The following EPM2A variants were observed in gnomAD, a reference collection of about 807,000 sequenced individuals.
EPM2A encodes EPM2A glucan phosphatase, laforin.
In EPM2A, 21 loss-of-function variants were observed where a neutral mutation model predicts 26.5. The observed-to-expected ratio is 0.79, with a 90% CI of 0.56 to 1.14. The LOEUF is 1.14. Among genes scored for constraint, EPM2A ranks in the 50% most tolerant of loss-of-function variants. The pLI, the probability that EPM2A is intolerant of heterozygous loss-of-function variation, is 0.00. For missense variants in EPM2A, 458 were observed against 440.8 expected (o/e 1.04, Z -0.35); for synonymous variants, 217 against 177.6 (o/e 1.22, Z -1.76).
rs574289583 is a variant in EPM2A, at chr6:145,718,777, A to G, written c.301+16421T>C. Among the ~76,000 whole-genome samples, 7 of 152,372 alleles carry G rather than the reference A, an allele frequency of 4.6e-5. No individual in the cohort carries two copies. The East Asian group carries it at 9.6e-4, about 21-fold the overall frequency. ...ATGAACTCAAACAAATTTACACACA[A>G]AAAACGAACAACCCCATCAAAACAA... On this transcript the variant is annotated intron_variant, in intron 1 of 3. Coordinates refer to ENST00000367519, the MANE Select transcript of EPM2A (RefSeq NM_005670.4).
chr6:145,429,807 A>G (rs932854322), intron 4 of EPM2A, among the ~76,000 whole-genome samples: 7 of 152,186 alleles, frequency 4.6e-5, no homozygotes, highest in Non-Finnish European at 5.9e-5. Flanking sequence ...TAGAAAGCAT[A>G]TAGGATTGTG....
At chr6:145,598,332 G>A (rs547582967) in intron 2 of EPM2A, among the ~76,000 whole-genome samples, 3 of 152,014 alleles carry the variant, frequency 2.0e-5, no homozygotes, top group Non-Finnish European at 4.4e-5. Context: ...CAGTGACGTT[G>A]AGCTTTATTT....
rs112977639 is a variant in EPM2A at position 145,586,344 on chromosome 6, CT to C, written c.340+48900del. Among the ~76,000 whole-genome samples, 1,206 of 152,000 alleles carry C rather than the reference CT, an allele frequency of 7.9e-3. 22 individuals carry two copies. Among genetic ancestry groups the C allele is most frequent in the African/African-American group, 0.027 (1,113 of 41,452 alleles). On this transcript the variant is annotated intron_variant, in intron 2 of 3. Coordinates refer to the EPM2A transcript ENST00000450221. ...TCTTCTGTAAAAAAGAATTTAACGT[CT>C]TTTTTTTATCATTATGACCTTAGAA...
chr6:145,566,134 T>C (rs748437393), intron 2 of EPM2A, among the ~76,000 whole-genome samples: 1 of 152,178 alleles, frequency 6.6e-6, no homozygotes, highest in Non-Finnish European at 1.5e-5. Context: ...CTGAGTAGTA[T>C]AACACAAAAG....
chr6:145,617,573 C>T (rs1775543320), intron 2 of EPM2A, among the ~76,000 whole-genome samples: 2 of 152,068 alleles, frequency 1.3e-5, no homozygotes, highest in East Asian at 3.9e-4. Context: ...AATAAATTAC[C>T]CCATTCATTG....
chr6:145,638,684 GA>G (rs1196908263), intron 2 of EPM2A: 1 of 152,188 alleles, frequency 6.6e-6, no homozygotes, highest in East Asian at 1.9e-4. Flanking sequence ...TTGAAAGATA[GA>G]AAAGTAAGGT....
chr6:145,533,500 A>T (rs940359705), intron 2 of EPM2A, among the ~76,000 whole-genome samples: 7 of 152,246 alleles, frequency 4.6e-5, no homozygotes, highest in African/African-American at 1.7e-4. Context: ...AAGAACTAAA[A>T]ATCCCTATGC....
chr6:145,678,789 T>C (rs1780268556), intron 2 of EPM2A, among the ~76,000 whole-genome samples: 1 of 152,204 alleles, frequency 6.6e-6, no homozygotes, highest in African/African-American at 2.4e-5. Flanking sequence ...GGAATGCTTT[T>C]ACACTGTTGG....
intron 2 of EPM2A, among the ~76,000 whole-genome samples, chr6:145,551,092 T>A (rs551023789): frequency 6.6e-6 from 1 of 152,160 alleles, no homozygotes; most frequent in Non-Finnish European, 1.5e-5. Context: ...CCCACAGAAG[T>A]CTGAGTAAAA....
intron 3 of EPM2A, chr6:145,632,244 T>C (rs575671364): frequency 2.0e-5 from 3 of 152,320 alleles, no homozygotes; most frequent in Non-Finnish European, 4.4e-5. Context: ...TTCCGTGCAA[T>C]GGGAGAGCCG....
chr6:145,686,363 G>T, intron 1 of EPM2A, 67 bp from the exon 2 acceptor site: 1 of 1,274,280 alleles, frequency 7.8e-7, no homozygotes, highest in Non-Finnish European at 1.1e-6. Context: ...CCTCAAAGCA[G>T]CTGATACAAA....
chr6:145,496,753 C>A (rs1285628618), downstream of EPM2A, among the ~76,000 whole-genome samples: 1 of 56,170 alleles, frequency 1.8e-5, no homozygotes. Flanking sequence ...TTTTTTGAGA[C>A]GGAGTCTCGC....
intron 2 of EPM2A, among the ~76,000 whole-genome samples, chr6:145,611,813 C>G (rs1775397722): frequency 6.6e-6 from 1 of 151,784 alleles, no homozygotes; most frequent in South Asian, 2.1e-4. Flanking sequence ...TCCATTGATA[C>G]TAAATTATAA....
intron 4 of EPM2A, among the ~76,000 whole-genome samples, chr6:145,426,590 A>G (rs1338121874): frequency 6.6e-6 from 1 of 152,232 alleles, no homozygotes; most frequent in African/African-American, 2.4e-5. Context: ...AGGAAGAGAA[A>G]TATACATACC....
downstream of EPM2A, among the ~76,000 whole-genome samples, chr6:145,501,201 C>T (rs1181281046): frequency 6.6e-6 from 1 of 152,100 alleles, no homozygotes; most frequent in East Asian, 1.9e-4. Context: ...ACTACTGAGT[C>T]ATAACAATAA....
At chr6:145,505,820 T>G (rs1779964988) in intron 2 of EPM2A, among the ~76,000 whole-genome samples, 1 of 152,236 alleles carries the variant, frequency 6.6e-6, no homozygotes, top group Admixed American at 6.5e-5. Context: ...TTTCTGCTAT[T>G]AATATGTGTA....
chr6:145,513,394 C>CA (rs964741059), intron 2 of EPM2A, among the ~76,000 whole-genome samples: 5 of 151,242 alleles, frequency 3.3e-5, no homozygotes, highest in South Asian at 2.1e-4. Context: ...ATTAAAAAGC[C>CA]AAAAAAAATA....
intron 4 of EPM2A, among the ~76,000 whole-genome samples, chr6:145,457,124 C>T (rs1364014372): frequency 6.6e-6 from 1 of 152,154 alleles, no homozygotes; most frequent in Non-Finnish European, 1.5e-5. Flanking sequence ...ATTTTTCTTA[C>T]TTTATAGATA....
At chr6:145,580,998 T>G (rs1781105211) in intron 2 of EPM2A, among the ~76,000 whole-genome samples, 1 of 152,228 alleles carries the variant, frequency 6.6e-6, no homozygotes, top group Non-Finnish European at 1.5e-5. Context: ...TATGTCTTTA[T>G]GGCAGAATGA....
Sources: allele counts gnomAD v4.1 joint callset (sites outside exome capture counted in the v4.1 genomes callset), GRCh38; gene constraint gnomAD v4.1.1; transcripts MANE v1.5; gene names NCBI Gene and HGNC (gene_info 2026-07-23, HGNC 2026-07-21).